SYNE2: variants seen among roughly 807,000 people sequenced by gnomAD.
The protein encoded by SYNE2 is nesprin-2.
Under a neutral mutation model 856.3 loss-of-function variants are expected in SYNE2, and 431 were observed. That is an observed-to-expected ratio of 0.50 (90% CI 0.47 to 0.55). The LOEUF (loss-of-function observed/expected upper bound fraction) is 0.55. Ranked by LOEUF, SYNE2 falls within the 20% of genes least tolerant of loss-of-function variation. The pLI is 0.00. For missense variants in SYNE2, 8,129 were observed against 8,023.2 expected (o/e 1.01, Z -0.50); for synonymous variants, 2,923 against 2,872.3 (o/e 1.02, Z -0.56).
chr14:63,899,363 A>G (rs529589813), intron 1 of SYNE2, among the ~76,000 whole-genome samples: 11 of 152,206 alleles, frequency 7.2e-5, no homozygotes, highest in African/African-American at 2.4e-4. Context: ...CACCACACCC[A>G]GCTAATTTTT....
rs544325132 is a variant in SYNE2, at chr14:64,115,924, C to T, written c.12840+2353C>T. Among the ~76,000 whole-genome samples the T allele has an allele frequency of 6.2e-4, 94 of 152,108 alleles. 2 individuals carry two copies. Among genetic ancestry groups the T allele is most frequent in the Non-Finnish European group, 1.1e-3 (77 of 67,994 alleles). On this transcript the variant is annotated intron_variant, in intron 66 of 115. Coordinates refer to ENST00000555002, the MANE Select transcript of SYNE2 (RefSeq NM_182914.3). ...ATCCCAGCACTTTGGGAGGCCAAGG[C>T]GGGTGGATTGCTTGAGGCCAGGAGT...
At chr14:63,828,140 T>G (rs1410507260) in intron 1 of SYNE2, among the ~76,000 whole-genome samples, 1 of 151,758 alleles carries the variant, frequency 6.6e-6, no homozygotes, top group East Asian at 1.9e-4. Flanking sequence ...GAGGCTGCCA[T>G]GAGCCATGAT....
rs1366422871 is a variant in SYNE2 at position 64,017,626 on chromosome 14, A to T, written c.4919A>T (p.Asn1640Ile). Residue 1640 changes from asparagine to isoleucine, a missense_variant, in exon 34 of 116, where the codon AAT becomes ATT. Asn to Ile is a moderately radical substitution (Grantham distance 149). Coordinates refer to ENST00000555002, the MANE Select transcript of SYNE2 (RefSeq NM_182914.3). ...GAGAAGACAGAAGATTACTATGAAA[A>T]TCTTGGTCGAGCTCTAGCTTTGTGG... ...INEKTEDYYENLGRALALWDK... is the reference protein window; with the variant it reads ...INEKTEDYYEILGRALALWDK... 2 of 1,613,200 alleles carry T rather than the reference A, an allele frequency of 1.2e-6. No homozygotes were observed. Among genetic ancestry groups the T allele is most frequent in the South Asian group, 2.2e-5 (2 of 91,046 alleles).
chr14:64,019,443 A>G (rs1211853591), intron 34 of SYNE2, among the ~76,000 whole-genome samples: 1 of 152,196 alleles, frequency 6.6e-6, no homozygotes, highest in Non-Finnish European at 1.5e-5. Flanking sequence ...ATATTTGGAA[A>G]AAGTTTTTGA....
At chr14:63,970,955 C>T (rs1029570878) in intron 11 of SYNE2, among the ~76,000 whole-genome samples, 13 of 151,510 alleles carry the variant, frequency 8.6e-5, no homozygotes, top group African/African-American at 2.4e-4. Context: ...GCCTGGCCCC[C>T]GTTTCTCCCT....
At chr14:64,100,681 T>G (rs1017056615) in intron 63 of SYNE2, among the ~76,000 whole-genome samples, 1 of 150,212 alleles carries the variant, frequency 6.7e-6, no homozygotes, top group African/African-American at 2.4e-5. Flanking sequence ...TTTTTTGTAA[T>G]GAGAAAACTT....
intron 95 of SYNE2, among the ~76,000 whole-genome samples, chr14:64,176,712 C>G (rs992482056): frequency 3.9e-5 from 6 of 151,964 alleles, no homozygotes; most frequent in Non-Finnish European, 8.8e-5. Context: ...TGAACTTTTC[C>G]AAAATTAAAG....
chr14:64,146,877 A>G (rs987058724), intron 84 of SYNE2, among the ~76,000 whole-genome samples: 2 of 152,208 alleles, frequency 1.3e-5, no homozygotes, highest in African/African-American at 4.8e-5. Flanking sequence ...GCCTTACAAT[A>G]GTCACTGTCA....
chr14:63,829,046 T>C (rs1889568338), intron 1 of SYNE2, among the ~76,000 whole-genome samples: 1 of 152,016 alleles, frequency 6.6e-6, no homozygotes, highest in Non-Finnish European at 1.5e-5. Context: ...ACAATAAATA[T>C]TGGATAGCAT....
intron 98 of SYNE2, 58 bp downstream of exon 98, chr14:64,188,766 C>T: frequency 1.3e-6 from 2 of 1,587,498 alleles, no homozygotes; most frequent in Non-Finnish European, 1.7e-6. Context: ...GTCGGCCCTC[C>T]TCACTCCTAA....
intron 1 of SYNE2, among the ~76,000 whole-genome samples, chr14:63,795,747 A>C (rs1887895802): frequency 6.6e-6 from 1 of 152,186 alleles, no homozygotes. Context: ...AAGTGGAAAC[A>C]ACCCAAAAGT....
At position 64,224,505 on chromosome 14, in the gene SYNE2, G is replaced by A; in HGVS notation, c.20427G>A (p.Gly6809=). Residue 6809 remains glycine, a synonymous_variant, in exon 114 of 116, where the codon GGG becomes GGA. Transcript: ENST00000555002. The part of the protein sequence containing the change: ...PLPSFDEVDS[G]DQPPATSVPA... ...CCAGCTTCGACGAGGTAGACTCGGG[G>A]GACCAGCCTCCTGCAACATCCGTGC... 1 of 1,614,102 alleles carries A rather than the reference G, an allele frequency of 6.2e-7. No homozygotes were observed. Among genetic ancestry groups the A allele is most frequent in the Non-Finnish European group, 8.5e-7 (1 of 1,180,024 alleles).
chr14:64,030,153 A>C (rs1284302576), intron 44 of SYNE2, 94 bp downstream of exon 44: 2 of 1,267,992 alleles, frequency 1.6e-6, no homozygotes, highest in Non-Finnish European at 2.3e-6. Flanking sequence ...CAGAAATTCC[A>C]GTGGTATTCA....
intron 87 of SYNE2, among the ~76,000 whole-genome samples, chr14:64,160,723 A>G (rs1048481146): frequency 6.6e-6 from 1 of 152,218 alleles, no homozygotes; most frequent in Non-Finnish European, 1.5e-5. Flanking sequence ...TGCTTTCAGA[A>G]AGGAGATTGA....
intron 1 of SYNE2, among the ~76,000 whole-genome samples, chr14:63,762,320 A>G (rs1249067539): frequency 1.3e-5 from 2 of 151,838 alleles, no homozygotes; most frequent in African/African-American, 4.8e-5. Flanking sequence ...CTGTAATCCC[A>G]GTTACTTGGG....
At position 64,002,993 on chromosome 14, in the gene SYNE2, C is replaced by G; in HGVS notation, c.4060C>G (p.Gln1354Glu). Residue 1354 changes from glutamine (Q) to glutamate (E), a missense_variant, in exon 30 of 116, where the codon CAA (glutamine) becomes GAA (glutamate). This residue lies in a region of SYNE2 where 2,422 missense variants were observed against 2,357.4 expected (regional missense o/e 1.03). Coordinates refer to ENST00000555002, the MANE Select transcript of SYNE2 (RefSeq NM_182914.3). ...TTCAGCCTCAGATACACAGGTGGCACAAGAAAATACGTTGACAGTAAAAAA... is the reference window on the plus strand; with the variant it reads ...TTCAGCCTCAGATACACAGGTGGCAGAAGAAAATACGTTGACAGTAAAAAA... ...DLSASDTQVA[Q>E]ENTLTVKNKE... 6.2e-7 allele frequency: 1 copy of G among 1,614,044 alleles called. No individual in the cohort carries two copies. Among genetic ancestry groups the G allele is most frequent in the Non-Finnish European group, 8.5e-7 (1 of 1,180,016 alleles).
intron 45 of SYNE2, among the ~76,000 whole-genome samples, chr14:64,032,066 G>A (rs1416286210): frequency 6.6e-6 from 1 of 152,142 alleles, no homozygotes; most frequent in Non-Finnish European, 1.5e-5. Context: ...GGAACATTCA[G>A]GTATGAGTTC....
chr14:63,785,590 G>A (rs976566476), intron 1 of SYNE2, among the ~76,000 whole-genome samples: 1 of 152,126 alleles, frequency 6.6e-6, no homozygotes, highest in African/African-American at 2.4e-5. Context: ...CTGCTTCTAG[G>A]GATGAATTGC....
Position 64,162,257 on chromosome 14 carries a change from C to A in SYNE2, c.16280C>A (p.Pro5427Gln). The change falls in exon 88 of 116, where the codon CCA becomes CAA. Residue 5427 changes from proline (P) to glutamine (Q), a missense_variant. Physicochemically the swap from Pro to Gln is moderately conservative, Grantham distance 76. Transcript: ENST00000555002. ...AACAACCTGGCAGAGATCCTGCCCC[C>A]AGCCCTGCAGGACATAAAGGTGGGT... Reference protein sequence around the residue: ...SGNNLAEILPPALQDIKELQH... With the variant: ...SGNNLAEILPQALQDIKELQH... 6.2e-7 allele frequency: 1 copy of A among 1,614,184 alleles called. No individual in the cohort carries two copies. Among genetic ancestry groups the A allele is most frequent in the Non-Finnish European group, 8.5e-7 (1 of 1,180,004 alleles).
Sources: allele counts gnomAD v4.1 joint callset (sites outside exome capture counted in the v4.1 genomes callset), GRCh38; gene constraint gnomAD v4.1.1; regional missense constraint gnomAD v4.1.1; transcripts MANE v1.5; gene names NCBI Gene and HGNC (gene_info 2026-07-23, HGNC 2026-07-21).